Variants in DLG2 observed in about 807,000 individuals in gnomAD.
DLG2 encodes the protein discs large MAGUK scaffold protein 2.
In DLG2, 45 loss-of-function variants were observed where a neutral mutation model predicts 132.5. The observed-to-expected ratio is 0.34, with a 90% CI of 0.27 to 0.44. DLG2 has a LOEUF of 0.44. Among genes scored for constraint, DLG2 ranks in the 20% least tolerant of loss-of-function variants. The probability of loss-of-function intolerance (pLI) is 1.00; values close to 1 mark genes in which losing one functional copy is unlikely to be tolerated. For missense variants in DLG2, 1,045 were observed against 1,196.9 expected, an observed-to-expected ratio of 0.87 and a Z score of 1.87; for synonymous variants, 424 against 419.6, an observed-to-expected ratio of 1.01 and a Z score of -0.13.
chr11:84,167,012 G>T, intron 8 of DLG2: 1 of 533,216 alleles, frequency 1.9e-6, no homozygotes, highest in Middle Eastern at 3.2e-4. Flanking sequence ...CACAGTTGGG[G>T]TTTCTGTTAT....
intron 18 of DLG2, among the ~76,000 whole-genome samples, chr11:83,757,987 C>A (rs900268542): frequency 6.6e-6 from 1 of 152,136 alleles, no homozygotes; most frequent in Non-Finnish European, 1.5e-5. Context: ...CTGTGTCCAC[C>A]AACTATAAGT....
At chr11:83,568,650 C>T (rs1027166810) in intron 19 of DLG2, among the ~76,000 whole-genome samples, 14 of 152,018 alleles carry the variant, frequency 9.2e-5, no homozygotes, top group African/African-American at 4.8e-5. Context: ...ATGAAGACAA[C>T]CAGAGGAAAA....
intron 19 of DLG2, among the ~76,000 whole-genome samples, chr11:83,601,417 T>C (rs1039739795): frequency 6.6e-6 from 1 of 152,090 alleles, no homozygotes; most frequent in Admixed American, 6.6e-5. Flanking sequence ...AGCCAACGAT[T>C]CTCTTTTTGT....
chr11:85,396,875 C>T (rs761349538), intron 3 of DLG2, among the ~76,000 whole-genome samples: 1 of 152,218 alleles, frequency 6.6e-6, no homozygotes, highest in Non-Finnish European at 1.5e-5. Flanking sequence ...TTCAGGACAA[C>T]TTCCCTAACC....
chr11:83,851,317 G>A (rs530396103), intron 16 of DLG2, among the ~76,000 whole-genome samples: 57 of 152,076 alleles, frequency 3.7e-4, no homozygotes, highest in Non-Finnish European at 6.8e-4. Flanking sequence ...CCAATCTGAC[G>A]GGTCTCCTTA....
At chr11:83,832,436 A>G (rs1469322603) in intron 17 of DLG2, among the ~76,000 whole-genome samples, 1 of 152,188 alleles carries the variant, frequency 6.6e-6, no homozygotes, top group Non-Finnish European at 1.5e-5. Context: ...AATTACTTAC[A>G]AAATAATGCC....
At chr11:84,328,784 A>T (rs1156243490) in intron 7 of DLG2, among the ~76,000 whole-genome samples, 1 of 152,194 alleles carries the variant, frequency 6.6e-6, no homozygotes, top group Non-Finnish European at 1.5e-5. Context: ...TTTTCCTTAG[A>T]GACCTAACAT....
At chr11:84,252,434 G>A (rs1438803069) in intron 7 of DLG2, among the ~76,000 whole-genome samples, 3 of 151,840 alleles carry the variant, frequency 2.0e-5, no homozygotes, top group Non-Finnish European at 4.4e-5. Flanking sequence ...AGCATGCCCT[G>A]CCATATTTTA....
intron 4 of DLG2, among the ~76,000 whole-genome samples, chr11:85,273,577 T>C (rs1316799094): frequency 1.3e-5 from 2 of 152,024 alleles, no homozygotes; most frequent in African/African-American, 4.8e-5. Context: ...ACCAGTTAGA[T>C]TGCTGATCAT....
intron 9 of DLG2, among the ~76,000 whole-genome samples, chr11:84,109,811 G>C (rs759975343): frequency 6.6e-6 from 1 of 152,122 alleles, no homozygotes; most frequent in South Asian, 2.1e-4. Context: ...AGACTGGTTT[G>C]TGTATTGAAA....
At chr11:83,472,351 C>T (rs527872855) in intron 23 of DLG2, among the ~76,000 whole-genome samples, 1 of 152,266 alleles carries the variant, frequency 6.6e-6, no homozygotes, top group East Asian at 1.9e-4. Flanking sequence ...TAGCCTACAT[C>T]TTAGGCAGAT....
intron 6 of DLG2, among the ~76,000 whole-genome samples, chr11:85,089,722 G>A (rs2068463597): frequency 6.6e-6 from 1 of 152,130 alleles, no homozygotes; most frequent in Admixed American, 6.6e-5. Flanking sequence ...TTCCACAGTG[G>A]CTGAACTAAT....
At chr11:85,189,415 TA>T (rs2152527190) in intron 4 of DLG2, among the ~76,000 whole-genome samples, 1 of 152,306 alleles carries the variant, frequency 6.6e-6, no homozygotes, top group Non-Finnish European at 1.5e-5. Context: ...TTTGGCAATA[TA>T]AAACAACACA....
At chr11:84,218,305 A>AAG (rs71036409) in intron 8 of DLG2, among the ~76,000 whole-genome samples, 6,850 of 143,344 alleles carry the variant, frequency 0.048, 240 homozygotes, top group Non-Finnish European at 0.076. Context: ...AAGAGAAAGA[A>AAG]AGAGAGAGAG....
intron 6 of DLG2, among the ~76,000 whole-genome samples, chr11:84,802,033 C>T (rs890144720): frequency 6.6e-6 from 1 of 151,128 alleles, no homozygotes; most frequent in Non-Finnish European, 1.5e-5. Context: ...AAGTCATTAA[C>T]TCTTTCCATA....
intron 18 of DLG2, among the ~76,000 whole-genome samples, chr11:83,772,588 A>T (rs1157647742): frequency 3.3e-5 from 5 of 151,756 alleles, no homozygotes; most frequent in African/African-American, 1.2e-4. Flanking sequence ...GAAAGAAAAG[A>T]GAGAGAGGAA....
intron 6 of DLG2, among the ~76,000 whole-genome samples, chr11:84,797,581 T>G (rs778258585): frequency 5.3e-5 from 8 of 152,232 alleles, no homozygotes; most frequent in Non-Finnish European, 8.8e-5. Context: ...TCTTTTTAAT[T>G]ATTCAGTCTC....
At chr11:85,007,931 C>G (rs2058836120) in intron 6 of DLG2, among the ~76,000 whole-genome samples, 1 of 151,932 alleles carries the variant, frequency 6.6e-6, no homozygotes, top group South Asian at 2.1e-4. Flanking sequence ...AGTTGTGTTT[C>G]AAAATTCAGA....
chr11:83,534,168 C>G (rs770193091), intron 20 of DLG2, among the ~76,000 whole-genome samples: 1 of 152,186 alleles, frequency 6.6e-6, no homozygotes, highest in Non-Finnish European at 1.5e-5. Flanking sequence ...GGAACAGTCT[C>G]CATGTCAGCA....
Sources: allele counts gnomAD v4.1 joint callset (sites outside exome capture counted in the v4.1 genomes callset), GRCh38; gene constraint gnomAD v4.1.1; transcripts MANE v1.5; gene names NCBI Gene and HGNC (gene_info 2026-07-23, HGNC 2026-07-21).